IGF2BP3: variants seen among roughly 807,000 people sequenced by gnomAD.
IGF2BP3 encodes insulin-like growth factor 2 mRNA-binding protein 3.
A neutral mutation model predicts 73.8 loss-of-function variants in IGF2BP3; 9 were observed. The ratio of observed to expected loss-of-function variants is 0.12; its 90% CI spans 0.07 to 0.21. The LOEUF (loss-of-function observed/expected upper bound fraction) is 0.21. IGF2BP3 is among the 10% of genes least tolerant of loss of function. IGF2BP3 has a pLI of 1.00. For missense variants in IGF2BP3, 542 were observed against 714.0 expected, an observed-to-expected ratio of 0.76 and a Z score of 2.75; for synonymous variants, 258 against 256.7, an observed-to-expected ratio of 1.01 and a Z score of -0.05.
chr7:23,422,215 A>G (rs1357688994), intron 2 of IGF2BP3, among the ~76,000 whole-genome samples: 7 of 152,218 alleles, frequency 4.6e-5, no homozygotes, highest in African/African-American at 1.4e-4. Context: ...GTACACATGT[A>G]AATATACATA....
chr7:23,314,103 T>G (rs770683430), intron 12 of IGF2BP3, among the ~76,000 whole-genome samples: 1 of 151,970 alleles, frequency 6.6e-6, no homozygotes, highest in African/African-American at 2.4e-5. Context: ...CACTGCAGCT[T>G]CAACCTCCTG....
chr7:23,418,974 A>G, intron 2 of IGF2BP3, 150 bp from the exon 3 acceptor site: 1 of 553,420 alleles, frequency 1.8e-6, no homozygotes, highest in Non-Finnish European at 3.2e-6. Context: ...CAAGAAGGAA[A>G]AGCAAAGAAG....
chr7:23,449,554 C>CTTTT (rs376571131), intron 2 of IGF2BP3, among the ~76,000 whole-genome samples: 8 of 106,926 alleles, frequency 7.5e-5, no homozygotes, highest in East Asian at 2.8e-4. Flanking sequence ...TTTTCTTTTT[C>CTTTT]TTTTTTTTTT....
At chr7:23,443,102 ATTTTTTT>A (rs34674050) in intron 2 of IGF2BP3, among the ~76,000 whole-genome samples, 16 of 85,818 alleles carry the variant, frequency 1.9e-4, no homozygotes, top group Admixed American at 1.0e-3. Flanking sequence ...CATTACAGTG[ATTTTTTT>A]TTTTTTTTTT....
intron 3 of IGF2BP3, among the ~76,000 whole-genome samples, chr7:23,398,162 G>A (rs1786537959): frequency 6.6e-6 from 1 of 150,604 alleles, no homozygotes. Context: ...AACATGCAGT[G>A]GTTGGTTTTT....
intron 2 of IGF2BP3, among the ~76,000 whole-genome samples, chr7:23,440,639 T>G (rs1787910490): frequency 6.6e-6 from 1 of 152,192 alleles, no homozygotes; most frequent in Non-Finnish European, 1.5e-5. Flanking sequence ...TAGAATCAAG[T>G]GCAAACATAA....
At chr7:23,323,072 T>C (rs919578530) in intron 10 of IGF2BP3, among the ~76,000 whole-genome samples, 6 of 151,994 alleles carry the variant, frequency 3.9e-5, no homozygotes, top group African/African-American at 1.5e-4. Context: ...CACATAACAA[T>C]ATTAACTTTA....
intron 2 of IGF2BP3, among the ~76,000 whole-genome samples, chr7:23,467,544 A>G (rs1788595271): frequency 6.6e-6 from 1 of 152,226 alleles, no homozygotes; most frequent in South Asian, 2.1e-4. Flanking sequence ...TGCCTTTCCA[A>G]TTGCAGTTAG....
At position 23,455,839 on chromosome 7, in the gene IGF2BP3, C is replaced by T. The variant is rs1788304888; in HGVS notation, c.236+12643G>A. ...TAACTGGGACTACAGGCGCCCGCCA[C>T]AACGCCCGGATAATTTTTTGTATTT... On this transcript the variant is annotated intron_variant, in intron 2 of 14. Coordinates refer to ENST00000258729, the MANE Select transcript of IGF2BP3 (RefSeq NM_006547.3). Among the ~76,000 whole-genome samples, 3 of 152,290 alleles carry T rather than the reference C, an allele frequency of 2.0e-5. No individual in the cohort carries two copies. The South Asian group carries it at 6.2e-4, about 32-fold the overall frequency.
intron 2 of IGF2BP3, among the ~76,000 whole-genome samples, chr7:23,468,173 G>T (rs959112807): frequency 1.3e-5 from 2 of 152,218 alleles, no homozygotes; most frequent in Non-Finnish European, 1.5e-5. Flanking sequence ...CAAACTGCTT[G>T]TTGGGACCCA....
intron 5 of IGF2BP3, among the ~76,000 whole-genome samples, chr7:23,357,334 C>T (rs915885848): frequency 8.0e-5 from 12 of 150,382 alleles, no homozygotes; most frequent in Non-Finnish European, 1.3e-4. Flanking sequence ...AGTGCAATGG[C>T]GCAATCTTGG....
At chr7:23,455,129 T>C (rs984377704) in intron 2 of IGF2BP3, among the ~76,000 whole-genome samples, 11 of 152,174 alleles carry the variant, frequency 7.2e-5, no homozygotes, top group African/African-American at 2.7e-4. Flanking sequence ...TCCATGATAA[T>C]CCCAAATCAG....
intron 3 of IGF2BP3, among the ~76,000 whole-genome samples, chr7:23,375,339 G>C (rs777090272): frequency 1.8e-4 from 27 of 152,028 alleles, no homozygotes; most frequent in Non-Finnish European, 1.6e-4. Context: ...CCCAGCTATT[G>C]ATCTGCTATC....
chr7:23,368,017 A>C (rs376325131), intron 3 of IGF2BP3, among the ~76,000 whole-genome samples: 63 of 151,908 alleles, frequency 4.1e-4, no homozygotes, highest in African/African-American at 6.8e-4. Flanking sequence ...ACAAAAAAAA[A>C]CAAAAAAACA....
chr7:23,317,616 A>C (rs777793261), intron 12 of IGF2BP3, 23 bp downstream of exon 12: 18 of 1,589,434 alleles, frequency 1.1e-5, no homozygotes, highest in Non-Finnish European at 1.5e-5. Context: ...CTGTGGACAT[A>C]GCACATACTC....
chr7:23,351,051 C>A (rs945842519), intron 6 of IGF2BP3, among the ~76,000 whole-genome samples: 1 of 152,118 alleles, frequency 6.6e-6, no homozygotes, highest in Non-Finnish European at 1.5e-5. Context: ...CTTCCCCAAC[C>A]AGAAGAGGAT....
rs190799542 is a variant in IGF2BP3 at position 23,365,563 on chromosome 7, A to G, written c.286-3822T>C. 1.3e-5 allele frequency: 2 copies of G among 152,346 alleles called. 1 individual carries two copies. Among genetic ancestry groups the G allele is most frequent in the Non-Finnish European group, 2.9e-5 (2 of 68,030 alleles). 9.4% of individuals were successfully genotyped at this position (152,346 alleles called of 1,614,324 possible). ...ATACAGGTAAATTTTTTAACTTAAA[A>G]AAAATCGGGGGACAATCCTTTCATG... On this transcript the variant is annotated intron_variant, in intron 3 of 14. Coordinates refer to ENST00000258729, the MANE Select transcript of IGF2BP3 (RefSeq NM_006547.3).
In IGF2BP3 at chr7:23,343,595, C is replaced by T; in HGVS notation, c.1077+123G>A. 4.3e-6 allele frequency: 4 copies of T among 937,784 alleles called. No homozygotes were observed. The East Asian group carries it at 9.8e-5, about 23-fold the overall frequency. The allele number at this position is 937,784 out of a possible 1,614,324, so 58.1% of individuals were successfully genotyped here. On this transcript the variant is annotated intron_variant, in intron 9 of 14. Coordinates refer to ENST00000258729, the MANE Select transcript of IGF2BP3 (RefSeq NM_006547.3). ...CTATCCCAGGGTACTTGCTGAGGTG[C>T]TAAAAATCAACTAGAACTACTTCTA...
intron 2 of IGF2BP3, among the ~76,000 whole-genome samples, chr7:23,447,033 T>C (rs1788082544): frequency 6.6e-6 from 1 of 151,842 alleles, no homozygotes; most frequent in Admixed American, 6.6e-5. Flanking sequence ...TGAAACCTCA[T>C]CTCTACTAAA....
Sources: gnomAD v4.1 joint callset for allele counts (sites outside exome capture counted in the v4.1 genomes callset) on GRCh38, gnomAD v4.1.1 for gene constraint, MANE v1.5 for transcripts, NCBI Gene and HGNC (gene_info 2026-07-23, HGNC 2026-07-21) for gene names.